ERBB4: variants seen among roughly 807,000 people sequenced by gnomAD.
ERBB4 encodes receptor tyrosine-protein kinase erbB-4.
ERBB4 carries 42 observed loss-of-function variants against 158.0 expected under a neutral mutation model. That is an observed-to-expected ratio of 0.27 (90% CI 0.21 to 0.34). ERBB4 has a LOEUF of 0.34. Among genes scored for constraint, ERBB4 ranks in the 10% least tolerant of loss-of-function variants. The pLI is 1.00. For synonymous variants in ERBB4, 583 were observed against 558.7 expected (o/e 1.04, Z -0.61); for missense variants, 1,333 against 1,624.1 (o/e 0.82, Z 3.08).
intron 2 of ERBB4, among the ~76,000 whole-genome samples, chr2:211,964,968 C>A (rs1286724163): frequency 6.6e-6 from 1 of 152,048 alleles, no homozygotes; most frequent in Non-Finnish European, 1.5e-5. Flanking sequence ...GTTATTATTT[C>A]CATGTTACCT....
At chr2:212,263,494 G>T (rs77191585) in intron 1 of ERBB4, among the ~76,000 whole-genome samples, 9,705 of 152,080 alleles carry the variant, frequency 0.064, 374 homozygotes, top group Non-Finnish European at 0.082. Flanking sequence ...GGACTTCTAT[G>T]CACCAAATTG....
chr2:211,855,538 G>C (rs2077834933), intron 3 of ERBB4, among the ~76,000 whole-genome samples: 1 of 152,038 alleles, frequency 6.6e-6, no homozygotes, highest in Non-Finnish European at 1.5e-5. Context: ...TTTCTACATA[G>C]ATATCTCATT....
chr2:212,037,138 TTTTG>T (rs373879954), intron 2 of ERBB4, among the ~76,000 whole-genome samples: 38 of 152,268 alleles, frequency 2.5e-4, no homozygotes, highest in East Asian at 5.8e-4. Context: ...TTTGTTTTTG[TTTTG>T]TTTGTTTGTT....
chr2:212,316,843 T>A (rs915337049), intron 1 of ERBB4, among the ~76,000 whole-genome samples: 1 of 151,550 alleles, frequency 6.6e-6, no homozygotes, highest in East Asian at 2.0e-4. Flanking sequence ...ATGAGAATTA[T>A]GTCTGTTTCA....
intron 1 of ERBB4, among the ~76,000 whole-genome samples, chr2:212,206,241 T>TG (rs754484670): frequency 9.9e-5 from 15 of 152,088 alleles, no homozygotes; most frequent in Non-Finnish European, 1.8e-4. Context: ...TGACACAAGC[T>TG]GGGGAGGGTG....
At chr2:211,459,693 G>A (rs2064479652) in intron 20 of ERBB4, among the ~76,000 whole-genome samples, 1 of 152,112 alleles carries the variant, frequency 6.6e-6, no homozygotes, top group East Asian at 1.9e-4. Context: ...TGCATGATAT[G>A]AGGCCTCCCC....
intron 20 of ERBB4, among the ~76,000 whole-genome samples, chr2:211,559,167 A>G (rs1193975716): frequency 6.6e-6 from 1 of 152,076 alleles, no homozygotes; most frequent in Non-Finnish European, 1.5e-5. Flanking sequence ...CTAATCAATA[A>G]TTGAATACCT....
intron 16 of ERBB4, among the ~76,000 whole-genome samples, chr2:211,654,746 T>C (rs550330249): frequency 3.3e-5 from 5 of 152,314 alleles, no homozygotes; most frequent in African/African-American, 9.6e-5. Context: ...AAAAACATCA[T>C]GGAGCCAATA....
chr2:211,580,606 CTAAAAG>C (rs2068038668), intron 19 of ERBB4, among the ~76,000 whole-genome samples: 1 of 151,074 alleles, frequency 6.6e-6, no homozygotes, highest in Non-Finnish European at 1.5e-5. Context: ...CCTTAAAGAA[CTAAAAG>C]TAAAACTACC....
intron 1 of ERBB4, among the ~76,000 whole-genome samples, chr2:212,177,953 AGTGTGAGTGT>A: frequency 9.9e-6 from 1 of 100,862 alleles, no homozygotes; most frequent in Non-Finnish European, 2.2e-5. Context: ...AGTGTTTGTG[AGTGTGAGTGT>A]GTGTGTGTGT....
At chr2:212,462,136 C>T (rs995898823) in intron 1 of ERBB4, among the ~76,000 whole-genome samples, 1 of 151,758 alleles carries the variant, frequency 6.6e-6, no homozygotes, top group Non-Finnish European at 1.5e-5. Flanking sequence ...AATGGAAGAC[C>T]CAAAACAATG....
At chr2:211,728,529 G>C (rs1306057486) in intron 5 of ERBB4, among the ~76,000 whole-genome samples, 2 of 151,694 alleles carry the variant, frequency 1.3e-5, no homozygotes, top group Non-Finnish European at 3.0e-5. Flanking sequence ...AGACAGTTTT[G>C]TACAGAATAA....
chr2:212,525,905 T>G (rs915252438), intron 1 of ERBB4, among the ~76,000 whole-genome samples: 1 of 152,012 alleles, frequency 6.6e-6, no homozygotes, highest in African/African-American at 2.4e-5. Flanking sequence ...GACTCACAAG[T>G]AGTAAAACTC....
intron 2 of ERBB4, among the ~76,000 whole-genome samples, chr2:211,959,357 T>C (rs2081118325): frequency 6.6e-6 from 1 of 152,124 alleles, no homozygotes; most frequent in South Asian, 2.1e-4. Flanking sequence ...TTACAATAAC[T>C]TGCAAGTGAA....
chr2:211,969,367 C>T (rs2081390410), intron 2 of ERBB4, among the ~76,000 whole-genome samples: 1 of 151,956 alleles, frequency 6.6e-6, no homozygotes, highest in African/African-American at 2.4e-5. Flanking sequence ...ATGAGAAAAG[C>T]CTGAAACACT....
At chr2:212,084,160 T>C (rs1479969303) in intron 2 of ERBB4, among the ~76,000 whole-genome samples, 1 of 151,952 alleles carries the variant, frequency 6.6e-6, no homozygotes, top group Non-Finnish European at 1.5e-5. Flanking sequence ...TAAGGAAAGA[T>C]AAATAGGAAG....
At chr2:211,479,541 T>C (rs2065033050) in intron 20 of ERBB4, among the ~76,000 whole-genome samples, 1 of 152,160 alleles carries the variant, frequency 6.6e-6, no homozygotes, top group Admixed American at 6.5e-5. Context: ...CAAAGCATGG[T>C]GTCTTATGTA....
chr2:211,538,466 T>C (rs1373321533), intron 20 of ERBB4, among the ~76,000 whole-genome samples: 1 of 151,804 alleles, frequency 6.6e-6, no homozygotes, highest in Non-Finnish European at 1.5e-5. Flanking sequence ...TTCAATATTT[T>C]AAAGACAGTT....
intron 1 of ERBB4, among the ~76,000 whole-genome samples, chr2:212,184,965 T>C (rs1021904588): frequency 1.3e-5 from 2 of 151,930 alleles, no homozygotes; most frequent in East Asian, 1.9e-4. Context: ...ATAACACATA[T>C]ACACACCACG....
Sources: gnomAD v4.1 joint callset for allele counts (sites outside exome capture counted in the v4.1 genomes callset) on GRCh38, gnomAD v4.1.1 for gene constraint, MANE v1.5 for transcripts, NCBI Gene and HGNC (gene_info 2026-07-23, HGNC 2026-07-21) for gene names.